Variants in TENM3 observed in about 807,000 individuals in gnomAD.
The protein encoded by TENM3 is teneurin-3.
A neutral mutation model predicts 255.1 loss-of-function variants in TENM3; 63 were observed. That is an observed-to-expected ratio of 0.25 (90% CI 0.20 to 0.30). The LOEUF is 0.30. Ranked by LOEUF, TENM3 falls within the 10% of genes least tolerant of loss-of-function variation. TENM3 has a pLI of 1.00. For synonymous variants in TENM3, 1,306 were observed against 1,322.3 expected (o/e 0.99, Z 0.27); for missense variants, 2,929 against 3,461.1 (o/e 0.85, Z 3.86).
chr4:181,454,083 A>G, the TENM3 span, among the ~76,000 whole-genome samples: 1 of 152,212 alleles, frequency 6.6e-6, no homozygotes, highest in Non-Finnish European at 1.5e-5. Flanking sequence ...TACCTGTTGC[A>G]TATTAAGTAT....
chr4:182,511,377 TG>T (rs1737376613), intron 3 of TENM3, among the ~76,000 whole-genome samples: 1 of 152,236 alleles, frequency 6.6e-6, no homozygotes, highest in African/African-American at 2.4e-5. Flanking sequence ...ATACTTATTA[TG>T]CTTTGAAGAA....
At chr4:182,641,151 G>A (rs1215316386) in intron 5 of TENM3, among the ~76,000 whole-genome samples, 1 of 152,182 alleles carries the variant, frequency 6.6e-6, no homozygotes, top group Non-Finnish European at 1.5e-5. Flanking sequence ...ATTACTGAAG[G>A]ATCATTGATT....
chr4:181,986,239 A>C, the TENM3 span, among the ~76,000 whole-genome samples: 1 of 151,674 alleles, frequency 6.6e-6, no homozygotes, highest in African/African-American at 2.4e-5. Context: ...CTGCACAAAT[A>C]CTCATTTCCA....
the TENM3 span, among the ~76,000 whole-genome samples, chr4:181,608,402 G>A: frequency 1.3e-5 from 2 of 151,922 alleles, no homozygotes; most frequent in African/African-American, 4.8e-5. Flanking sequence ...GGGGTCCAAA[G>A]TTGCTTTTGT....
chr4:181,634,383 T>G, the TENM3 span, among the ~76,000 whole-genome samples: 3 of 97,308 alleles, frequency 3.1e-5, no homozygotes, highest in Non-Finnish European at 6.5e-5. Context: ...CTTTTTTAAT[T>G]CTTTTTTTTT....
intron 3 of TENM3, among the ~76,000 whole-genome samples, chr4:182,543,746 T>G (rs539228103): frequency 1.3e-5 from 2 of 152,018 alleles, no homozygotes; most frequent in East Asian, 3.9e-4. Context: ...GAAAGGATAA[T>G]TTTCCAGAAA....
the TENM3 span, among the ~76,000 whole-genome samples, chr4:182,106,263 C>T: frequency 2.7e-4 from 41 of 152,256 alleles, no homozygotes; most frequent in African/African-American, 9.6e-4. Flanking sequence ...CAGTTTGAGA[C>T]CAGCCTGGGC....
the TENM3 span, among the ~76,000 whole-genome samples, chr4:181,631,720 T>C: frequency 6.6e-6 from 1 of 152,184 alleles, no homozygotes; most frequent in Non-Finnish European, 1.5e-5. Flanking sequence ...ACCTTTGCTA[T>C]ACAAAATGAT....
At chr4:182,686,362 G>T (rs1233422212) in intron 11 of TENM3, among the ~76,000 whole-genome samples, 14 of 151,952 alleles carry the variant, frequency 9.2e-5, no homozygotes, top group Non-Finnish European at 2.9e-5. Flanking sequence ...AAATTTATCT[G>T]GTTGTTGCAC....
the TENM3 span, among the ~76,000 whole-genome samples, chr4:182,053,379 T>C: frequency 6.6e-6 from 1 of 152,208 alleles, no homozygotes; most frequent in Non-Finnish European, 1.5e-5. Flanking sequence ...TTTGAAATGA[T>C]AAACACATTC....
chr4:182,231,349 T>C lies in TENM3; in HGVS notation c.-76+86595T>C, dbSNP rs542241237. Among the ~76,000 whole-genome samples, 13 of 152,056 alleles carry C rather than the reference T, an allele frequency of 8.5e-5. No individual in the cohort carries two copies. In the South Asian group the frequency reaches 2.3e-3, roughly 27 times the overall value. Reference sequence around the variant, plus strand: ...GATTAGCTTTGATTGTCAACTTAGATAACCCCAGGAGAACAAAAAAAAGGA... The same window carrying C: ...GATTAGCTTTGATTGTCAACTTAGACAACCCCAGGAGAACAAAAAAAAGGA... On this transcript the variant is annotated intron_variant, in intron 1 of 2. Transcript: ENST00000512480.
At chr4:182,010,069 A>G in the TENM3 span, among the ~76,000 whole-genome samples, 9 of 152,306 alleles carry the variant, frequency 5.9e-5, no homozygotes, top group African/African-American at 2.2e-4. Flanking sequence ...TTTGGTTGCC[A>G]GTGAAATATT....
chr4:181,770,692 A>C, the TENM3 span, among the ~76,000 whole-genome samples: 1 of 151,620 alleles, frequency 6.6e-6, no homozygotes, highest in Non-Finnish European at 1.5e-5. Context: ...AAAAAAAAAA[A>C]AAAAAGAGTG....
At chr4:182,105,236 C>A in the TENM3 span, among the ~76,000 whole-genome samples, 11 of 152,268 alleles carry the variant, frequency 7.2e-5, no homozygotes, top group East Asian at 1.7e-3. Flanking sequence ...AATGACAATG[C>A]AGCTTCCCAG....
intron 1 of TENM3, among the ~76,000 whole-genome samples, chr4:182,228,273 T>C (rs1756316624): frequency 6.6e-6 from 1 of 151,916 alleles, no homozygotes; most frequent in African/African-American, 2.4e-5. Context: ...ATGGATACTT[T>C]AGCTTCTCTA....
chr4:182,024,994 C>T, the TENM3 span, among the ~76,000 whole-genome samples: 1 of 150,010 alleles, frequency 6.7e-6, no homozygotes, highest in Non-Finnish European at 1.5e-5. Context: ...CAGTTCCATC[C>T]ATGTTGTTGC....
intron 4 of TENM3, among the ~76,000 whole-genome samples, chr4:182,623,011 C>CTTTTT (rs562578993): frequency 7.0e-6 from 1 of 143,092 alleles, no homozygotes; most frequent in Non-Finnish European, 1.5e-5. Context: ...GACAGAGTCT[C>CTTTTT]TTTTTTTTTT....
chr4:181,837,158 T>C, the TENM3 span, among the ~76,000 whole-genome samples: 39 of 152,238 alleles, frequency 2.6e-4, no homozygotes, highest in African/African-American at 9.4e-4. Flanking sequence ...GACTATCATA[T>C]CATTTTTTTT....
the TENM3 span, among the ~76,000 whole-genome samples, chr4:181,549,045 AAACATCC>A: frequency 6.6e-6 from 1 of 152,164 alleles, no homozygotes; most frequent in Non-Finnish European, 1.5e-5. Flanking sequence ...CATTCTTCAC[AAACATCC>A]ATGCTTCCAA....
Sources: gnomAD v4.1 joint callset for allele counts (sites outside exome capture counted in the v4.1 genomes callset) on GRCh38, gnomAD v4.1.1 for gene constraint, MANE v1.5 for transcripts, NCBI Gene and HGNC (gene_info 2026-07-23, HGNC 2026-07-21) for gene names.